The following WDR86 variants were observed in gnomAD, a reference collection of about 807,000 sequenced individuals.
WDR86 encodes the protein WD repeat domain 86.
In WDR86, 30 loss-of-function variants were observed where a neutral mutation model predicts 36.5. That is an observed-to-expected ratio of 0.82 (90% CI 0.61 to 1.11). WDR86 has a LOEUF of 1.11. Ranked by LOEUF, WDR86 falls within the 50% of genes most tolerant of loss-of-function variation. The pLI is 0.00. For missense variants in WDR86, 545 were observed against 561.2 expected (o/e 0.97, Z 0.29); for synonymous variants, 255 against 252.9 (o/e 1.01, Z -0.08).
chr7:151,392,666 C>T (rs769347959), intron 3 of WDR86, among the ~76,000 whole-genome samples: 11 of 152,254 alleles, frequency 7.2e-5, no homozygotes, highest in South Asian at 2.1e-4. Flanking sequence ...GCTGAGGCTC[C>T]GGGGCCACCG....
downstream of WDR86, chr7:151,374,426 C>A (rs1798112325): frequency 5.2e-6 from 4 of 776,594 alleles, no homozygotes; most frequent in Non-Finnish European, 8.5e-6. Context: ...CCACGTGAGG[C>A]CCCATGCTCA....
At chr7:151,384,836 C>G (rs1458801429) in intron 4 of WDR86, among the ~76,000 whole-genome samples, 1 of 152,242 alleles carries the variant, frequency 6.6e-6, no homozygotes, top group Admixed American at 6.5e-5. Context: ...GCTTTTGACC[C>G]TAGACCCTCC....
rs1439450948 is a variant in WDR86, at chr7:151,381,248, T to C, written c.*334A>G. 16 of 1,300,572 alleles carry C rather than the reference T, an allele frequency of 1.2e-5. No homozygotes were observed. The highest frequency in any genetic ancestry group is 1.6e-5 in the Non-Finnish European group (16 of 1,029,052). 80.6% of individuals were successfully genotyped at this position (1,300,572 alleles called of 1,614,324 possible). On this transcript the variant is annotated 3_prime_UTR_variant, in exon 6 of 6. Coordinates refer to ENST00000334493, the MANE Select transcript of WDR86 (RefSeq NM_198285.3). The surrounding 1 kb of genome is among the most constrained non-coding windows in gnomAD (Gnocchi z 4.8). ...TCCTCTCAGCAGGAAAGGCCCAGTT[T>C]CGTGGGGCTGGGGGAGCTGGGGCAG...
At chr7:151,403,864 G>A (rs957638379) in intron 1 of WDR86, among the ~76,000 whole-genome samples, 1 of 152,244 alleles carries the variant, frequency 6.6e-6, no homozygotes, top group Non-Finnish European at 1.5e-5. Flanking sequence ...AGACACCCAA[G>A]ATGGAAAGGT....
At chr7:151,372,195 CT>C (rs1797990569), downstream of WDR86, among the ~76,000 whole-genome samples, 1 of 152,228 alleles carries the variant, frequency 6.6e-6, no homozygotes, top group African/African-American at 2.4e-5. Flanking sequence ...TACAGTGCCT[CT>C]CTCTTGAGAT....
At chr7:151,376,750 G>A, downstream of WDR86, 1 of 1,598,096 alleles carries the variant, frequency 6.3e-7, no homozygotes, top group Non-Finnish European at 8.5e-7. Context: ...TGCCTCCCGA[G>A]CTGCCGCTGT....
At chr7:151,399,821 C>A (rs1425402763) in intron 2 of WDR86, among the ~76,000 whole-genome samples, 4 of 152,248 alleles carry the variant, frequency 2.6e-5, no homozygotes, top group Admixed American at 2.0e-4. Flanking sequence ...TTTCCCTGCA[C>A]CCAGCGGGGA....
downstream of WDR86, among the ~76,000 whole-genome samples, chr7:151,380,731 C>G (rs1401385369): frequency 6.6e-6 from 1 of 152,090 alleles, no homozygotes; most frequent in African/African-American, 2.4e-5. Flanking sequence ...CCTTCCAGCA[C>G]CAGGCGCTGC....
chr7:151,392,962 G>A (rs756226659), intron 3 of WDR86, among the ~76,000 whole-genome samples: 1 of 152,048 alleles, frequency 6.6e-6, no homozygotes, highest in African/African-American at 2.4e-5. Flanking sequence ...GAGCCCCACT[G>A]GCCACCTGGG....
rs199968688 is a variant in WDR86, at chr7:151,398,257, ATGTG to A, written c.305+1839_305+1842del. Among the ~76,000 whole-genome samples the A allele has an allele frequency of 6.4e-3, 963 of 151,424 alleles. 19 individuals carry two copies. Among genetic ancestry groups the A allele is most frequent in the East Asian group, 0.052 (267 of 5,158 alleles). On this transcript the variant is annotated intron_variant, in intron 2 of 5. Transcript: ENST00000334493. ...GTGCATGTGTGTGTTGTGTGTGCAT[ATGTG>A]TGTGTAAGTTGTGTGTATGGGTGCA...
chr7:151,394,707 A>G (rs1461016220), intron 3 of WDR86, among the ~76,000 whole-genome samples: 2 of 152,240 alleles, frequency 1.3e-5, no homozygotes, highest in Non-Finnish European at 2.9e-5. Context: ...CGCATCTTCC[A>G]TTGATTCACC....
downstream of WDR86, among the ~76,000 whole-genome samples, chr7:151,373,898 C>T (rs1798079046): frequency 6.6e-6 from 1 of 152,168 alleles, no homozygotes; most frequent in South Asian, 2.1e-4. Context: ...GCCTCAGAAG[C>T]AGCACTTCCA....
At chr7:151,393,628 C>G (rs529556223) in intron 3 of WDR86, among the ~76,000 whole-genome samples, 2 of 152,286 alleles carry the variant, frequency 1.3e-5, no homozygotes, top group East Asian at 3.9e-4. Context: ...TCCCAGCGAA[C>G]TCCTGGCCCC....
downstream of WDR86, chr7:151,377,051 C>A (rs1798330645): frequency 6.4e-7 from 1 of 1,551,126 alleles, no homozygotes; most frequent in Non-Finnish European, 8.7e-7. Flanking sequence ...TTGTAGGAAC[C>A]TCTAGTGCCT....
rs1354657389 is a variant in WDR86, at chr7:151,388,081, G to C, written c.727-2858C>G. ...CTCTGCCCGCCGGCTCCTCAGGGTT[G>C]GGTGAGACTCATGAACTGGTACGAC... On this transcript the variant is annotated intron_variant, in intron 3 of 5. Transcript: ENST00000334493. The surrounding 1 kb of genome is among the most constrained non-coding windows in gnomAD (Gnocchi z 4.2). Among the ~76,000 whole-genome samples, 1 of 152,244 alleles carries C rather than the reference G, an allele frequency of 6.6e-6. No individual in the cohort carries two copies. Among genetic ancestry groups the C allele is most frequent in the Non-Finnish European group, 1.5e-5 (1 of 68,054 alleles).
exon 2 of WDR86, chr7:151,376,089 A>G: frequency 1.5e-6 from 1 of 648,510 alleles, no homozygotes; most frequent in South Asian, 1.7e-5. Flanking sequence ...CCCACCTCAG[A>G]GGCCACCCAC....
At chr7:151,400,668 C>T (rs1800220521) in intron 1 of WDR86, among the ~76,000 whole-genome samples, 1 of 152,240 alleles carries the variant, frequency 6.6e-6, no homozygotes, top group African/African-American at 2.4e-5. Context: ...CAGGCGTGAG[C>T]CACTGCGCCC....
chr7:151,383,967 G>A (rs1046842643), intron 4 of WDR86, among the ~76,000 whole-genome samples: 1 of 152,194 alleles, frequency 6.6e-6, no homozygotes, highest in African/African-American at 2.4e-5. Flanking sequence ...TTCAATTAGA[G>A]GACCCAGACT....
chr7:151,391,150 C>T (rs1274187056), intron 3 of WDR86, among the ~76,000 whole-genome samples: 3 of 152,224 alleles, frequency 2.0e-5, no homozygotes, highest in Non-Finnish European at 2.9e-5. Context: ...GCTGTGGCGG[C>T]GATGGCCCTC....
Sources: gnomAD v4.1 joint callset for allele counts (sites outside exome capture counted in the v4.1 genomes callset) on GRCh38, gnomAD v4.1.1 for gene constraint, Gnocchi (gnomAD v3.1) non-coding constraint, MANE v1.5 for transcripts, NCBI Gene and HGNC (gene_info 2026-07-23, HGNC 2026-07-21) for gene names.